FAM135B: variants seen among roughly 807,000 people sequenced by gnomAD.
FAM135B encodes the protein family with sequence similarity 135 member B.
Under a neutral mutation model 127.7 loss-of-function variants are expected in FAM135B, and 43 were observed. The ratio of observed to expected loss-of-function variants is 0.34; its 90% CI spans 0.26 to 0.43. FAM135B has a LOEUF of 0.43. FAM135B is among the 20% of genes least tolerant of loss of function. FAM135B has a pLI of 1.00. For synonymous variants in FAM135B, 670 were observed against 665.1 expected (o/e 1.01, Z -0.11); for missense variants, 1,558 against 1,725.6 (o/e 0.90, Z 1.72).
In FAM135B at chr8:138,152,487, G is replaced by T. The variant is rs1586614933; in HGVS notation, c.1988C>A (p.Thr663Lys). 1 of 1,614,158 alleles carries T rather than the reference G, an allele frequency of 6.2e-7. No homozygotes were observed. The highest frequency in any genetic ancestry group is 2.2e-5 in the East Asian group (1 of 44,852). ...DIRSSLKDSH[T>K]EEQEELSVLS... ...CACTGAGAGTTCCTCCTGCTCTTCT[G>T]TGTGAGAGTCCTTTAGGGAAGACCT... Residue 663 changes from threonine (T) to lysine (K), a missense_variant, in exon 13 of 20, where the codon ACA becomes AAA. Physicochemically the swap from Thr to Lys is moderately conservative, Grantham distance 78 (BLOSUM62 -1). This residue lies in a region of FAM135B where 923 missense variants were observed against 865.3 expected (regional missense o/e 1.07). Transcript: ENST00000395297.
chr8:138,185,545 C>T (rs1030187536), intron 9 of FAM135B, among the ~76,000 whole-genome samples: 6 of 152,142 alleles, frequency 3.9e-5, no homozygotes, highest in Non-Finnish European at 5.9e-5. Context: ...ACGCAATCTC[C>T]GCCACTCCCC....
At chr8:138,199,394 A>G (rs1404083321) in intron 7 of FAM135B, among the ~76,000 whole-genome samples, 1 of 152,158 alleles carries the variant, frequency 6.6e-6, no homozygotes, top group Non-Finnish European at 1.5e-5. Flanking sequence ...TCTCAGGAGC[A>G]ATATCTGTGC....
At chr8:138,315,867 G>C (rs1827050954) in intron 2 of FAM135B, among the ~76,000 whole-genome samples, 1 of 152,124 alleles carries the variant, frequency 6.6e-6, no homozygotes, top group African/African-American at 2.4e-5. Flanking sequence ...AGAAGGGAAA[G>C]AAAGAAGAAA....
intron 2 of FAM135B, among the ~76,000 whole-genome samples, chr8:138,336,758 G>A (rs1207488566): frequency 2.0e-5 from 3 of 152,188 alleles, no homozygotes; most frequent in Non-Finnish European, 4.4e-5. Flanking sequence ...CTCATTTTAT[G>A]AGGCCAGCAT....
At chr8:138,442,644 C>G (rs1835871532) in intron 1 of FAM135B, among the ~76,000 whole-genome samples, 1 of 151,958 alleles carries the variant, frequency 6.6e-6, no homozygotes, top group Non-Finnish European at 1.5e-5. Flanking sequence ...CAAAAACATT[C>G]TGGAGAGTAG....
intron 2 of FAM135B, among the ~76,000 whole-genome samples, chr8:138,322,443 T>C (rs1013662538): frequency 2.0e-5 from 3 of 152,166 alleles, no homozygotes. Flanking sequence ...GATTGCTTGA[T>C]ACTGTAGGTT....
At chr8:138,166,294 C>T (rs374281669) in intron 12 of FAM135B, among the ~76,000 whole-genome samples, 8 of 152,274 alleles carry the variant, frequency 5.3e-5, no homozygotes, top group Admixed American at 2.0e-4. Flanking sequence ...GGAGCAGGGC[C>T]GTGGGGCAGG....
At chr8:138,400,703 T>C (rs968652) in intron 1 of FAM135B, among the ~76,000 whole-genome samples, 92,318 of 152,034 alleles carry the variant, frequency 0.61, 30,355 homozygotes, top group African/African-American at 0.87. Flanking sequence ...GTGCTACCTT[T>C]CAAGGCTGCC....
chr8:138,465,562 C>T (rs780164499), intron 1 of FAM135B, among the ~76,000 whole-genome samples: 14 of 152,286 alleles, frequency 9.2e-5, no homozygotes, highest in Non-Finnish European at 1.8e-4. Context: ...CATTCTTTGG[C>T]CTCTCTAAGT....
intron 1 of FAM135B, among the ~76,000 whole-genome samples, chr8:138,453,289 T>A (rs1232491391): frequency 6.6e-6 from 1 of 152,144 alleles, no homozygotes; most frequent in Non-Finnish European, 1.5e-5. Context: ...TACAAACAGA[T>A]GCTGCTTTTG....
intron 9 of FAM135B, among the ~76,000 whole-genome samples, chr8:138,182,585 G>A (rs1815164582): frequency 6.6e-6 from 1 of 152,226 alleles, no homozygotes. Flanking sequence ...CCAGGAAGAG[G>A]TGTATGATCG....
chr8:138,306,748 A>T (rs1264305926), intron 3 of FAM135B, among the ~76,000 whole-genome samples: 1 of 151,908 alleles, frequency 6.6e-6, no homozygotes, highest in Non-Finnish European at 1.5e-5. Context: ...ACGCCTGGCT[A>T]ATTTTTTCTA....
At chr8:138,422,979 G>C (rs12550007) in intron 1 of FAM135B, among the ~76,000 whole-genome samples, 93,790 of 152,030 alleles carry the variant, frequency 0.62, 30,040 homozygotes, top group African/African-American at 0.78. Flanking sequence ...CATGGATGCA[G>C]CTGGAGGCCA....
chr8:138,140,492 C>A (rs1817040102), intron 17 of FAM135B, among the ~76,000 whole-genome samples: 1 of 152,212 alleles, frequency 6.6e-6, no homozygotes, highest in Non-Finnish European at 1.5e-5. Flanking sequence ...AGTAAAATCT[C>A]ATGAGTAGTA....
intron 2 of FAM135B, among the ~76,000 whole-genome samples, chr8:138,339,869 A>T (rs2131050736): frequency 6.6e-6 from 1 of 152,238 alleles, no homozygotes; most frequent in Non-Finnish European, 1.5e-5. Flanking sequence ...GTTCATCAGG[A>T]TGGAGAGGAA....
In FAM135B at chr8:138,159,069, G is replaced by A. The variant is rs1295706344; in HGVS notation, c.1259-5853C>T. On this transcript the variant is annotated intron_variant, in intron 12 of 19. Transcript: ENST00000395297. ...GGGTGGATCATGAGGTCAGGAGATC[G>A]AGACCATCCTGGCTAACAAGGTGAA... 4.0e-5 allele frequency among the ~76,000 whole-genome samples: 6 copies of A among 150,076 alleles called. No individual in the cohort carries two copies. The East Asian group carries it at 9.9e-4, about 25-fold the overall frequency.
rs1263649232 is a variant in FAM135B at position 138,242,217 on chromosome 8, G to A, written c.669+725C>T. Among the ~76,000 whole-genome samples the A allele has an allele frequency of 7.3e-6, 1 of 137,838 alleles. No individual in the cohort carries two copies. The highest frequency in any genetic ancestry group is 1.6e-5 in the Non-Finnish European group (1 of 63,408). The allele number at this position is 137,838 out of a possible 152,430, so 90.4% of individuals were successfully genotyped here. ...TGTGTGTGTGTGTGTGTGTGTGTGT[G>A]TTCTATTGGCTGTATTGGTCCTGTT... On this transcript the variant is annotated intron_variant, in intron 7 of 19. Transcript: ENST00000395297. The surrounding 1 kb of genome is among the most constrained non-coding windows in gnomAD (Gnocchi z 9.6).
rs1227057910 is a variant in FAM135B, at chr8:138,243,699, T to C, written c.543-631A>G. 2.0e-5 allele frequency among the ~76,000 whole-genome samples: 3 copies of C among 152,202 alleles called. No homozygotes were observed. The highest frequency in any genetic ancestry group is 2.0e-4 in the Admixed American group (3 of 15,274). On this transcript the variant is annotated intron_variant, in intron 6 of 19. Transcript: ENST00000395297. This position sits in a 1 kb window ranked among gnomAD's most constrained non-coding sequence, Gnocchi z 7.5. ...GTGATGGCAATGATCAATTTCAGGA[T>C]CAAAGGAGATTAGGAAAAGATGTGT...
intron 15 of FAM135B, among the ~76,000 whole-genome samples, chr8:138,143,922 C>A (rs1003244596): frequency 1.3e-5 from 2 of 152,126 alleles, no homozygotes; most frequent in Admixed American, 1.3e-4. Context: ...AAGACCTTTA[C>A]GAGTCTCTGT....
Sources: gnomAD v4.1 joint callset for allele counts (sites outside exome capture counted in the v4.1 genomes callset) on GRCh38, gnomAD v4.1.1 for gene constraint, gnomAD v4.1.1 regional missense constraint, Gnocchi (gnomAD v3.1) non-coding constraint, MANE v1.5 for transcripts, NCBI Gene and HGNC (gene_info 2026-07-23, HGNC 2026-07-21) for gene names.